The following ADAT1 variants were observed in gnomAD, a reference collection of about 807,000 sequenced individuals.
ADAT1 encodes adenosine deaminase tRNA specific 1.
ADAT1 carries 58 observed loss-of-function variants against 58.6 expected under a neutral mutation model. That is an observed-to-expected ratio of 0.99 (90% CI 0.80 to 1.23). The LOEUF is 1.23. ADAT1 is among the 50% of genes most tolerant of loss of function. The probability of loss-of-function intolerance (pLI) is 0.00; values close to 1 mark genes in which losing one functional copy is unlikely to be tolerated. For synonymous variants in ADAT1, 254 were observed against 220.8 expected (o/e 1.15, Z -1.33); for missense variants, 741 against 608.6 (o/e 1.22, Z -2.29).
rs2081761311 is a variant in ADAT1 at position 75,617,230 on chromosome 16, C to T, written c.336G>A (p.Glu112=). The T allele has an allele frequency of 1.2e-6, 2 of 1,613,964 alleles. No homozygotes were observed. The highest frequency in any genetic ancestry group is 1.7e-6 in the Non-Finnish European group (2 of 1,179,856). The change falls in exon 5 of 10, where the codon GAG becomes GAA. Residue 112 remains glutamate (E), a synonymous_variant. Coordinates refer to ENST00000564657, the MANE Select transcript of ADAT1 (RefSeq NM_001324445.2). ...HQLQLAATLK[E]DSIFVPGTQK... ...GAGTTCCTGGGACAAAGATGCTATCCTCTTTCAGGGTGGCTGCCAACTGGA... is the reference window on the plus strand; with the variant it reads ...GAGTTCCTGGGACAAAGATGCTATCTTCTTTCAGGGTGGCTGCCAACTGGA...
chr16:75,618,509 C>CCAA, intron 4 of ADAT1, 77 bp downstream of exon 4: 23 of 780,184 alleles, frequency 2.9e-5, no homozygotes, highest in African/African-American at 3.8e-5. Context: ...CTGTCCCCCC[C>CCAA]AAAAAAAAAA....
At chr16:75,606,055 G>GT (rs984509502) in intron 8 of ADAT1, among the ~76,000 whole-genome samples, 1 of 150,864 alleles carries the variant, frequency 6.6e-6, no homozygotes, top group Admixed American at 6.6e-5. Flanking sequence ...AGAGATTGGG[G>GT]GGGGGGTCTC....
In ADAT1 at chr16:75,608,936, T is replaced by C. The variant is rs1398198916; in HGVS notation, c.1096A>G (p.Ile366Val). The part of the protein sequence containing the change: ...PKGFGVQELK[I>V]LQSDLLFEQS... Reference sequence around the variant, plus strand: ...TCAAATAGTAAATCTGACTGCAGTATTTTTAATTCTTGAACTCCGAAGCCT... The same window carrying C: ...TCAAATAGTAAATCTGACTGCAGTACTTTTAATTCTTGAACTCCGAAGCCT... Residue 366 changes from isoleucine (I) to valine (V), a missense_variant, in exon 7 of 10, where the codon ATA becomes GTA. Ile to Val is a conservative substitution (Grantham distance 29). Coordinates refer to ENST00000564657, the MANE Select transcript of ADAT1 (RefSeq NM_001324445.2). 2.5e-6 allele frequency: 4 copies of C among 1,614,234 alleles called. No homozygotes were observed. The highest frequency in any genetic ancestry group is 3.4e-6 in the Non-Finnish European group (4 of 1,180,038).
intron 1 of ADAT1, among the ~76,000 whole-genome samples, chr16:75,621,772 G>C (rs974281491): frequency 1.3e-4 from 20 of 152,200 alleles, no homozygotes; most frequent in African/African-American, 4.6e-4. Flanking sequence ...ATACTTTGCA[G>C]GGAAATCTCT....
intron 5 of ADAT1, among the ~76,000 whole-genome samples, 196 bp downstream of exon 5, chr16:75,616,946 C>T (rs1050881618): frequency 5.3e-5 from 8 of 152,192 alleles, no homozygotes; most frequent in African/African-American, 1.9e-4. Flanking sequence ...TCTGTCTTCT[C>T]TTTAGATGAA....
At chr16:75,611,259 TTAA>T (rs557469186) in intron 6 of ADAT1, among the ~76,000 whole-genome samples, 260 of 152,332 alleles carry the variant, frequency 1.7e-3, no homozygotes, top group African/African-American at 5.8e-3. Context: ...TCAGAGATTA[TTAA>T]TAATACCTTA....
chr16:75,619,228 C>T (rs2081848865), intron 3 of ADAT1, among the ~76,000 whole-genome samples: 1 of 152,070 alleles, frequency 6.6e-6, no homozygotes, highest in African/African-American at 2.4e-5. Flanking sequence ...GAGGTAAAGA[C>T]CCCAGATCTC....
chr16:75,605,276 A>G (rs1271730802), intron 8 of ADAT1, among the ~76,000 whole-genome samples: 1 of 151,986 alleles, frequency 6.6e-6, no homozygotes, highest in Non-Finnish European at 1.5e-5. Context: ...TTTTTAGTAG[A>G]GACGGTTTCG....
In ADAT1 at chr16:75,598,463, T is replaced by G. The variant is rs1370567879; in HGVS notation, c.*1753A>C. 1 of 158,624 alleles carries G rather than the reference T, an allele frequency of 6.3e-6. No individual in the cohort carries two copies. The highest frequency in any genetic ancestry group is 1.6e-4 in the South Asian group (1 of 6,358). 9.8% of individuals were successfully genotyped at this position (158,624 alleles called of 1,614,324 possible). ...GAAACTATTACAGGCACAAAATTTG[T>G]GATGAAAATGTTCTAAAATTGATGG... On this transcript the variant is annotated 3_prime_UTR_variant, in exon 10 of 10. Transcript: ENST00000564657.
chr16:75,609,980 A>G (rs761567542), intron 6 of ADAT1, among the ~76,000 whole-genome samples: 2 of 152,234 alleles, frequency 1.3e-5, no homozygotes, highest in African/African-American at 2.4e-5. Context: ...CTGGCATTAC[A>G]GGCATGAGCC....
intron 3 of ADAT1, 114 bp from the exon 4 acceptor site, chr16:75,618,754 G>A (rs1052910420): frequency 3.2e-6 from 4 of 1,243,410 alleles, no homozygotes; most frequent in Non-Finnish European, 4.5e-6. Flanking sequence ...GTAGCTCCTG[G>A]AGAGCTTTGC....
intron 9 of ADAT1, among the ~76,000 whole-genome samples, chr16:75,602,446 C>A (rs1223060353): frequency 6.6e-6 from 1 of 152,202 alleles, no homozygotes; most frequent in Non-Finnish European, 1.5e-5. Context: ...TTTCTGAGTT[C>A]TGAGAGATGT....
At chr16:75,619,156 A>G (rs2081846164) in intron 3 of ADAT1, among the ~76,000 whole-genome samples, 2 of 152,202 alleles carry the variant, frequency 1.3e-5, no homozygotes, top group Non-Finnish European at 2.9e-5. Context: ...TTCCTCATAT[A>G]CAGGAGGTTA....
At chr16:75,617,455 A>G (rs2081770542) in intron 4 of ADAT1, among the ~76,000 whole-genome samples, 183 bp from the exon 5 acceptor site, 1 of 152,086 alleles carries the variant, frequency 6.6e-6, no homozygotes, top group African/African-American at 2.4e-5. Flanking sequence ...CAGCATCAGC[A>G]TCACCTGGGA....
rs1012930579 is a variant in ADAT1 at position 75,597,059 on chromosome 16, T to C, written c.*3157A>G. 1 of 154,292 alleles carries C rather than the reference T, an allele frequency of 6.5e-6. No homozygotes were observed. Among genetic ancestry groups the C allele is most frequent in the African/African-American group, 2.4e-5 (1 of 41,356 alleles). 9.6% of individuals were successfully genotyped at this position (154,292 alleles called of 1,614,324 possible). A position where few individuals can be genotyped will look rare whatever the true frequency, so the allele number is the denominator to read the frequency against. On this transcript the variant is annotated 3_prime_UTR_variant, in exon 10 of 10. Transcript: ENST00000564657. ...AAGTAGATTACTGATTGCCCTGGGG[T>C]AGGGGGCGTTGAGGAACGGGAAGTG...
At chr16:75,609,706 C>CT (rs1164081422) in intron 6 of ADAT1, among the ~76,000 whole-genome samples, 9 of 152,000 alleles carry the variant, frequency 5.9e-5, no homozygotes, top group African/African-American at 2.2e-4. Flanking sequence ...CTGGTAACCA[C>CT]TTAAATTTTT....
chr16:75,617,389 G>T, intron 4 of ADAT1, 117 bp from the exon 5 acceptor site: 1 of 1,147,384 alleles, frequency 8.7e-7, no homozygotes. Flanking sequence ...GGTAGTGATG[G>T]GGAATTATGA....
At chr16:75,613,678 G>T (rs1176150866) in intron 5 of ADAT1, among the ~76,000 whole-genome samples, 1 of 152,090 alleles carries the variant, frequency 6.6e-6, no homozygotes, top group African/African-American at 2.4e-5. Flanking sequence ...GGAATATTTA[G>T]CAGCATACCT....
intron 5 of ADAT1, among the ~76,000 whole-genome samples, chr16:75,614,794 G>C (rs1178169352): frequency 2.6e-5 from 4 of 152,204 alleles, no homozygotes; most frequent in African/African-American, 9.7e-5. Context: ...ACATTCTCTA[G>C]GTAATGTTCT....
Sources: gnomAD v4.1 joint callset for allele counts (sites outside exome capture counted in the v4.1 genomes callset) on GRCh38, gnomAD v4.1.1 for gene constraint, MANE v1.5 for transcripts, NCBI Gene and HGNC (gene_info 2026-07-23, HGNC 2026-07-21) for gene names.